SLC35F5: variants seen among roughly 807,000 people sequenced by gnomAD.
SLC35F5 encodes HCV NS5A-transactivated protein 3.
SLC35F5 carries 54 observed loss-of-function variants against 68.6 expected under a neutral mutation model. The observed-to-expected ratio is 0.79, with a 90% CI of 0.63 to 0.99. The LOEUF is 0.99. SLC35F5 is among the 50% of genes least tolerant of loss of function. The probability of loss-of-function intolerance (pLI) is 0.00; values close to 1 mark genes in which losing one functional copy is unlikely to be tolerated. For synonymous variants in SLC35F5, 211 were observed against 205.2 expected (o/e 1.03, Z -0.24); for missense variants, 567 against 626.9 (o/e 0.90, Z 1.02).
intron 12 of SLC35F5, among the ~76,000 whole-genome samples, chr2:113,723,889 C>T (rs1687555152): frequency 1.3e-5 from 2 of 152,110 alleles, no homozygotes; most frequent in Non-Finnish European, 2.9e-5. Context: ...CCAATGGAGA[C>T]AGATGAGCCA....
chr2:113,743,447 T>C (rs570947473), intron 6 of SLC35F5, among the ~76,000 whole-genome samples: 2 of 152,324 alleles, frequency 1.3e-5, no homozygotes, highest in Admixed American at 1.3e-4. Context: ...TATAAGCGTG[T>C]GATGCATGTG....
rs550900867 is a variant in SLC35F5 at position 113,711,862 on chromosome 2, A to C, written c.*3356T>G. The stretch of plus-strand genomic sequence containing the variant: ...TCATTTATTTGCTAATATGTGGAAA[A>C]AAATTTTCTAATTAATTCCTCCTTT... On this transcript the variant is annotated 3_prime_UTR_variant, in exon 16 of 16. Coordinates refer to ENST00000245680, the MANE Select transcript of SLC35F5 (RefSeq NM_025181.5). 6.6e-6 allele frequency among the ~76,000 whole-genome samples: 1 copy of C among 152,220 alleles called. No homozygotes were observed. The highest frequency in any genetic ancestry group is 1.5e-5 in the Non-Finnish European group (1 of 68,038).
At chr2:113,743,291 C>T (rs1410351630) in intron 6 of SLC35F5, among the ~76,000 whole-genome samples, 3 of 152,114 alleles carry the variant, frequency 2.0e-5, no homozygotes, top group Non-Finnish European at 4.4e-5. Flanking sequence ...TCTATAGGTC[C>T]ATTCCTTGCA....
downstream of SLC35F5, among the ~76,000 whole-genome samples, chr2:113,706,333 T>G (rs115723616): frequency 1.8e-4 from 28 of 152,278 alleles, no homozygotes; most frequent in East Asian, 4.8e-3. Flanking sequence ...TGCAGCACCC[T>G]GAAGGCCCCT....
chr2:113,723,373 A>G (rs2104989099), intron 12 of SLC35F5, among the ~76,000 whole-genome samples, 179 bp from the exon 13 acceptor site: 1 of 152,206 alleles, frequency 6.6e-6, no homozygotes, highest in South Asian at 2.1e-4. Context: ...GTTTTTCTTC[A>G]AATATTAAAA....
chr2:113,722,947 T>C (rs1687505206), intron 13 of SLC35F5, among the ~76,000 whole-genome samples, 157 bp downstream of exon 13: 1 of 152,254 alleles, frequency 6.6e-6, no homozygotes, highest in South Asian at 2.1e-4. Context: ...ATTTCTTCGG[T>C]ACTTTCTATA....
At position 113,753,164 on chromosome 2, in the gene SLC35F5, TTTTC is replaced by T. The variant is rs1180451574; in HGVS notation, c.273+1997_273+2000del. On this transcript the variant is annotated intron_variant, in intron 3 of 15. Coordinates refer to ENST00000245680, the MANE Select transcript of SLC35F5 (RefSeq NM_025181.5). ...TACACACTTTATCTCCAAAGTTTGT[TTTTC>T]TTTTTTTTTTTTTTTTTTTTTTTTT... Among the ~76,000 whole-genome samples, 18 of 133,644 alleles carry T rather than the reference TTTTC, an allele frequency of 1.3e-4. 2 individuals are homozygous for T. The highest frequency in any genetic ancestry group is 3.9e-4 in the Admixed American group (5 of 12,794). 87.7% of individuals were successfully genotyped at this position (133,644 alleles called of 152,430 possible). A position where few individuals can be genotyped will look rare whatever the true frequency, so the allele number is the denominator to read the frequency against.
At chr2:113,706,425 TC>T (rs1686800278), downstream of SLC35F5, among the ~76,000 whole-genome samples, 1 of 152,138 alleles carries the variant, frequency 6.6e-6, no homozygotes, top group Non-Finnish European at 1.5e-5. Flanking sequence ...CACCCCACCA[TC>T]CTAGGGATAG....
rs72833642 is a variant in SLC35F5, at chr2:113,722,601, G to A, written c.1341+503C>T. ...AAACATCCCAGATTCTCTTTTCTGC[G>A]GTGTTAGCATTGCCAATATTTATCA... On this transcript the variant is annotated intron_variant, in intron 13 of 15. Transcript: ENST00000245680. Among the ~76,000 whole-genome samples the A allele has an allele frequency of 3.8e-3, 576 of 152,216 alleles. 4 individuals are homozygous for A. Among genetic ancestry groups the A allele is most frequent in the South Asian group, 9.7e-3 (47 of 4,822 alleles).
rs186744366 is a variant in SLC35F5 at position 113,748,072 on chromosome 2, A to G, written c.418-1733T>C. Among the ~76,000 whole-genome samples, 925 of 152,314 alleles carry G rather than the reference A, an allele frequency of 6.1e-3. 4 individuals are homozygous for G. Among genetic ancestry groups the G allele is most frequent in the Admixed American group, 9.6e-3 (147 of 15,300 alleles). On this transcript the variant is annotated intron_variant, in intron 4 of 15. Transcript: ENST00000245680. ...GCGCCACTGCACTCTAGCCTGGACAAGAGAGTGAGACTCTGTCTCAACAAC... is the reference window on the plus strand; with the variant it reads ...GCGCCACTGCACTCTAGCCTGGACAGGAGAGTGAGACTCTGTCTCAACAAC...
Position 113,742,695 on chromosome 2 carries a change from A to G in SLC35F5, c.747T>C (p.Phe249=), listed in dbSNP as rs202184244. Residue 249 remains phenylalanine (F), a synonymous_variant, in exon 7 of 16, where the codon TTT becomes TTC. Transcript: ENST00000245680. ...AAACATATCATAAAAGACCTACCAC[A>G]AAGCAAAAAAAAAAGCTAATTTTCG... ...QVAKISFFFC[F]VWFLANLSYQ... 2.9e-5 allele frequency: 47 copies of G among 1,613,982 alleles called. No homozygotes were observed. In the East Asian group the frequency reaches 1.0e-3, roughly 35 times the overall value.
intron 4 of SLC35F5, among the ~76,000 whole-genome samples, chr2:113,748,506 A>G (rs990445906): frequency 6.6e-6 from 1 of 152,218 alleles, no homozygotes; most frequent in Admixed American, 6.5e-5. Flanking sequence ...ACACACATGA[A>G]AAGAATGGCA....
chr2:113,728,513 A>G (rs1193219864), intron 11 of SLC35F5, among the ~76,000 whole-genome samples: 1 of 152,224 alleles, frequency 6.6e-6, no homozygotes, highest in Non-Finnish European at 1.5e-5. Context: ...CCACAGGTGA[A>G]GCAGCAAAGG....
chr2:113,714,422 T>A lies in SLC35F5; in HGVS notation c.*796A>T, dbSNP rs1687102800. On this transcript the variant is annotated 3_prime_UTR_variant, in exon 16 of 16. Transcript: ENST00000245680. ...AATTTAAATCATTCCATTATGAAAA[T>A]TTCTTAATTGAAGGGAGACTATTTC... 1 of 152,112 alleles carries A rather than the reference T, an allele frequency of 6.6e-6. No homozygotes were observed. Among genetic ancestry groups the A allele is most frequent in the African/African-American group, 2.4e-5 (1 of 41,450 alleles). The allele number at this position is 152,112 out of a possible 1,614,324, so 9.4% of individuals were successfully genotyped here.
intron 1 of SLC35F5, 29 bp downstream of exon 1, chr2:113,756,341 G>A: frequency 6.4e-7 from 1 of 1,562,514 alleles, no homozygotes; most frequent in South Asian, 1.2e-5. Context: ...GGGCTCCGGT[G>A]ATGTCGGGGC....
chr2:113,729,771 A>ATACATAT (rs1466874613), intron 10 of SLC35F5, among the ~76,000 whole-genome samples: 1 of 150,056 alleles, frequency 6.7e-6, no homozygotes, highest in Non-Finnish European at 1.5e-5. Context: ...ACCAAAACCT[A>ATACATAT]TACATATTAT....
chr2:113,730,270 A>C (rs1014744198), intron 10 of SLC35F5, among the ~76,000 whole-genome samples: 5 of 152,242 alleles, frequency 3.3e-5, no homozygotes, highest in Admixed American at 1.3e-4. Context: ...AAAACCATTT[A>C]AACTTTTCAA....
rs146979212 is a variant in SLC35F5, at chr2:113,716,058, A to G, written c.*23-863T>C. Reference sequence around the variant, plus strand: ...TGGCCTCCCAAAATGCTAGGATTACAGGCATGAGTCACTATGCCCAGCCTG... The same window carrying G: ...TGGCCTCCCAAAATGCTAGGATTACGGGCATGAGTCACTATGCCCAGCCTG... On this transcript the variant is annotated intron_variant, in intron 15 of 15. Transcript: ENST00000245680. 4.9e-3 allele frequency among the ~76,000 whole-genome samples: 754 copies of G among 152,354 alleles called. 8 individuals carry two copies. The highest frequency in any genetic ancestry group is 0.016 in the African/African-American group (670 of 41,592).
intron 7 of SLC35F5, among the ~76,000 whole-genome samples, chr2:113,739,111 G>A (rs1688195856): frequency 6.6e-6 from 1 of 152,016 alleles, no homozygotes; most frequent in African/African-American, 2.4e-5. Flanking sequence ...TATTAAGCTA[G>A]GTTTCCAAAA....
Sources: gnomAD v4.1 joint callset for allele counts (sites outside exome capture counted in the v4.1 genomes callset) on GRCh38, gnomAD v4.1.1 for gene constraint, MANE v1.5 for transcripts, NCBI Gene and HGNC (gene_info 2026-07-23, HGNC 2026-07-21) for gene names.